The following SCAPER variants were observed in gnomAD, a reference collection of about 807,000 sequenced individuals.
The protein encoded by SCAPER is S phase cyclin A-associated protein in the endoplasmic reticulum.
Under a neutral mutation model 182.2 loss-of-function variants are expected in SCAPER, and 98 were observed. The observed-to-expected ratio is 0.54, with a 90% CI of 0.46 to 0.64. SCAPER has a LOEUF of 0.64. Ranked by LOEUF, SCAPER falls within the 30% of genes least tolerant of loss-of-function variation. The pLI is 0.00. For synonymous variants in SCAPER, 605 were observed against 564.6 expected, an observed-to-expected ratio of 1.07 and a Z score of -1.01; for missense variants, 1,432 against 1,690.0, an observed-to-expected ratio of 0.85 and a Z score of 2.68.
chr15:76,441,771 A>G (rs997494636), intron 25 of SCAPER, among the ~76,000 whole-genome samples: 7 of 151,848 alleles, frequency 4.6e-5, no homozygotes, highest in Non-Finnish European at 5.9e-5. Flanking sequence ...ACTCAACTTT[A>G]TTTTTCTTCC....
chr15:76,405,131 T>TTA (rs1209876147), intron 26 of SCAPER, among the ~76,000 whole-genome samples: 2,789 of 149,358 alleles, frequency 0.019, 94 homozygotes, highest in African/African-American at 0.059. Flanking sequence ...TTTTTTTTTT[T>TTA]AGAGACAGCG....
intron 20 of SCAPER, among the ~76,000 whole-genome samples, chr15:76,695,129 T>C (rs1164467975): frequency 6.6e-6 from 1 of 152,216 alleles, no homozygotes; most frequent in East Asian, 1.9e-4. Context: ...CAGCTTAAAA[T>C]GCCAAGTTAC....
intron 17 of SCAPER, among the ~76,000 whole-genome samples, chr15:76,717,991 G>A (rs1473310322): frequency 1.3e-5 from 2 of 151,996 alleles, no homozygotes; most frequent in Non-Finnish European, 2.9e-5. Context: ...TAGTCCACAT[G>A]GATCATTATC....
intron 23 of SCAPER, among the ~76,000 whole-genome samples, chr15:76,533,819 A>G (rs543264299): frequency 2.0e-5 from 3 of 152,152 alleles, no homozygotes; most frequent in African/African-American, 4.8e-5. Context: ...CACTTTTCTG[A>G]TCTAACTTGG....
chr15:76,600,294 C>A (rs1275610738), intron 22 of SCAPER, among the ~76,000 whole-genome samples: 1 of 116,532 alleles, frequency 8.6e-6, no homozygotes, highest in Non-Finnish European at 2.1e-5. Flanking sequence ...AAAGAAGATC[C>A]CAAATCCCAA....
intron 5 of SCAPER, among the ~76,000 whole-genome samples, chr15:76,808,022 G>T (rs1363914307): frequency 6.6e-6 from 1 of 152,084 alleles, no homozygotes; most frequent in Non-Finnish European, 1.5e-5. Flanking sequence ...TCACCTAGCT[G>T]ACAGCAGAAG....
chr15:76,382,718 G>C (rs1243816772), intron 27 of SCAPER, among the ~76,000 whole-genome samples: 1 of 152,100 alleles, frequency 6.6e-6, no homozygotes, highest in Admixed American at 6.5e-5. Context: ...ACATTTCTCT[G>C]GCTGTTGAGC....
chr15:76,638,223 T>G (rs1385569282), intron 21 of SCAPER, among the ~76,000 whole-genome samples: 2 of 152,176 alleles, frequency 1.3e-5, no homozygotes, highest in African/African-American at 4.8e-5. Context: ...CTTTTTCTTT[T>G]TCTTTAATTT....
intron 2 of SCAPER, among the ~76,000 whole-genome samples, chr15:76,883,498 T>A (rs1451879729): frequency 6.6e-6 from 1 of 152,188 alleles, no homozygotes; most frequent in African/African-American, 2.4e-5. Flanking sequence ...AGACCCTGGG[T>A]AGGAGGCCAG....
At chr15:76,813,665 A>G (rs768483857) in intron 5 of SCAPER, among the ~76,000 whole-genome samples, 1 of 152,222 alleles carries the variant, frequency 6.6e-6, no homozygotes, top group East Asian at 1.9e-4. Flanking sequence ...CTTTGCATCA[A>G]TAACAATCTA....
At chr15:76,702,755 A>C in intron 19 of SCAPER, 95 bp downstream of exon 19, 1 of 1,420,224 alleles carries the variant, frequency 7.0e-7, no homozygotes, top group African/African-American at 1.5e-5. Flanking sequence ...CGCCTGCCTT[A>C]GCGTGAGTTT....
chr15:76,572,112 C>T (rs62030374), intron 23 of SCAPER, among the ~76,000 whole-genome samples: 10,186 of 152,108 alleles, frequency 0.067, 381 homozygotes, highest in Middle Eastern at 0.11. Context: ...AGTGGTATTT[C>T]AGTAAATTGC....
chr15:76,801,331 C>T (rs1271500786), intron 6 of SCAPER, among the ~76,000 whole-genome samples: 1 of 152,152 alleles, frequency 6.6e-6, no homozygotes, highest in East Asian at 1.9e-4. Context: ...AACATTTGTT[C>T]TCTTCCTATT....
Position 76,622,102 on chromosome 15 carries a change from G to GT in SCAPER, c.2646-274dup, listed in dbSNP as rs763022666. Among the ~76,000 whole-genome samples the GT allele has an allele frequency of 5.3e-5, 8 of 152,044 alleles. No individual in the cohort carries two copies. In the East Asian group the frequency reaches 1.5e-3, roughly 29 times the overall value. ...ACTCTCAAAGATGTGTTTTGTTTTT[G>GT]TTTTTTATACTGACTAAATACCAAA... On this transcript the variant is annotated intron_variant, in intron 21 of 31. Coordinates refer to ENST00000563290, the MANE Select transcript of SCAPER (RefSeq NM_020843.4).
chr15:76,490,333 T>C (rs1288362402), intron 24 of SCAPER, among the ~76,000 whole-genome samples: 1 of 152,214 alleles, frequency 6.6e-6, no homozygotes, highest in Non-Finnish European at 1.5e-5. Context: ...ACCATCCTAA[T>C]GGGTGTGAGG....
intron 27 of SCAPER, among the ~76,000 whole-genome samples, chr15:76,399,137 T>G (rs1310815634): frequency 6.6e-6 from 1 of 152,048 alleles, no homozygotes; most frequent in Admixed American, 6.5e-5. Context: ...GCCAAAGAAA[T>G]AGGCATTTCA....
At chr15:76,579,863 C>T (rs1046275727) in intron 22 of SCAPER, among the ~76,000 whole-genome samples, 2 of 151,902 alleles carry the variant, frequency 1.3e-5, no homozygotes, top group South Asian at 2.1e-4. Flanking sequence ...AACAAGAGTA[C>T]AAGTAGCTAT....
intron 29 of SCAPER, among the ~76,000 whole-genome samples, chr15:76,366,703 A>G (rs1332776259): frequency 6.6e-6 from 1 of 152,210 alleles, no homozygotes; most frequent in Non-Finnish European, 1.5e-5. Flanking sequence ...CATACATAAA[A>G]TAATTATTTG....
intron 21 of SCAPER, among the ~76,000 whole-genome samples, chr15:76,643,034 A>G (rs564582184): frequency 1.1e-4 from 16 of 152,194 alleles, no homozygotes; most frequent in Non-Finnish European, 2.2e-4. Flanking sequence ...GCTCTGGGAT[A>G]TCCCCTGGAG....
Sources: allele counts gnomAD v4.1 joint callset (sites outside exome capture counted in the v4.1 genomes callset), GRCh38; gene constraint gnomAD v4.1.1; transcripts MANE v1.5; gene names NCBI Gene and HGNC (gene_info 2026-07-23, HGNC 2026-07-21).